Variants in INO80 observed in about 807,000 individuals in gnomAD.
The protein encoded by INO80 is chromatin-remodeling ATPase INO80.
Under a neutral mutation model 203.4 loss-of-function variants are expected in INO80, and 20 were observed. That is an observed-to-expected ratio of 0.10 (90% confidence interval 0.07 to 0.14). The LOEUF (loss-of-function observed/expected upper bound fraction) is 0.14, where lower values mean the gene tolerates loss of function less well. Among genes scored for constraint, INO80 ranks in the 10% least tolerant of loss-of-function variants. The pLI is 1.00. For missense variants in INO80, 1,419 were observed against 1,914.4 expected, an observed-to-expected ratio of 0.74 and a Z score of 4.83; for synonymous variants, 726 against 685.2, an observed-to-expected ratio of 1.06 and a Z score of -0.93.
intron 1 of INO80, among the ~76,000 whole-genome samples, chr15:41,115,537 G>T (rs1233752394): frequency 6.6e-6 from 1 of 152,182 alleles, no homozygotes; most frequent in African/African-American, 2.4e-5. Context: ...CAAGCCCTTA[G>T]ATCTCATTTG....
Position 41,059,734 on chromosome 15 carries a change from T to C in INO80, c.1842+133A>G, listed in dbSNP as rs1044065784. On this transcript the variant is annotated intron_variant, in intron 15 of 35. Coordinates refer to ENST00000648947, the MANE Select transcript of INO80 (RefSeq NM_017553.3). ...CAGGAAAAGTATTGTATCAGAAAAA[T>C]GGAAACTTGATCAGTGTCCAGAAAT... 6 of 558,550 alleles carry C rather than the reference T, an allele frequency of 1.1e-5. No homozygotes were observed. In the South Asian group the frequency reaches 1.9e-4, roughly 18 times the overall value. 34.6% of individuals were successfully genotyped at this position (558,550 alleles called of 1,614,324 possible). A position where few individuals can be genotyped will look rare whatever the true frequency, so the allele number is the denominator to read the frequency against.
rs771356698 is a variant in INO80, at chr15:41,003,329, C to CTTTTTTTTTTT, written c.3497+2263_3497+2264insAAAAAAAAAAA. Among the ~76,000 whole-genome samples the CTTTTTTTTTTT allele has an allele frequency of 1.6e-4, 17 of 107,602 alleles. 3 individuals carry two copies. Among genetic ancestry groups the CTTTTTTTTTTT allele is most frequent in the East Asian group, 6.2e-4 (2 of 3,246 alleles). The allele number at this position is 107,602 out of a possible 152,430, so 70.6% of individuals were successfully genotyped here. ...TGGGATTGTGGGTGATTTTTCTTTT[C>CTTTTTTTTTTT]TTTTCTTTTTTTTTTTTTTGAGATG... On this transcript the variant is annotated intron_variant, in intron 28 of 35. Coordinates refer to ENST00000648947, the MANE Select transcript of INO80 (RefSeq NM_017553.3).
chr15:40,979,341 G>A lies in INO80; in HGVS notation c.*882C>T, dbSNP rs535015798. 2.8e-3 allele frequency: 427 copies of A among 152,908 alleles called. 3 individuals are homozygous for A. The highest frequency in any genetic ancestry group is 0.014 in the South Asian group (66 of 4,826). The allele number at this position is 152,908 out of a possible 1,614,324, so 9.5% of individuals were successfully genotyped here. A position where few individuals can be genotyped will look rare whatever the true frequency, so the allele number is the denominator to read the frequency against. ...GGTGCCGAGCCTGCCCCCTCTCTCC[G>A]CCCTCTTCACCTCACTCCTGCTGTC... is the stretch of plus-strand genomic sequence containing the variant. On this transcript the variant is annotated 3_prime_UTR_variant, in exon 36 of 36. Transcript: ENST00000648947.
At chr15:40,983,405 C>T (rs1347444952) in intron 34 of INO80, among the ~76,000 whole-genome samples, 1 of 152,138 alleles carries the variant, frequency 6.6e-6, no homozygotes, top group Non-Finnish European at 1.5e-5. Context: ...CTCTAATGTG[C>T]TCTTGCCTTG....
chr15:41,021,459 T>C (rs552845550), intron 25 of INO80, among the ~76,000 whole-genome samples: 10 of 152,348 alleles, frequency 6.6e-5, no homozygotes, highest in African/African-American at 1.9e-4. Flanking sequence ...CTGCTAGATA[T>C]TGTTCTTGGC....
chr15:41,043,414 C>A (rs1201709992), intron 24 of INO80, among the ~76,000 whole-genome samples: 1 of 152,134 alleles, frequency 6.6e-6, no homozygotes, highest in African/African-American at 2.4e-5. Flanking sequence ...AATCACCCTG[C>A]CACCACTGAC....
At chr15:41,058,524 A>G in intron 16 of INO80, 115 bp downstream of exon 16, 1 of 954,108 alleles carries the variant, frequency 1.0e-6, no homozygotes, top group Non-Finnish European at 1.5e-6. Flanking sequence ...AACTTCTCAT[A>G]TCTTGATTTT....
chr15:41,006,464 T>C (rs769639165), intron 27 of INO80, among the ~76,000 whole-genome samples: 1 of 152,220 alleles, frequency 6.6e-6, no homozygotes, highest in Non-Finnish European at 1.5e-5. Context: ...CAGCATAAAA[T>C]AGTTGATTCG....
chr15:41,044,995 C>T lies in INO80; in HGVS notation c.2816G>A (p.Ser939Asn). 6.2e-7 allele frequency: 1 copy of T among 1,614,036 alleles called. No homozygotes were observed. The highest frequency in any genetic ancestry group is 8.5e-7 in the Non-Finnish European group (1 of 1,179,968). The change falls in exon 24 of 36, where the codon AGC (serine) becomes AAC (asparagine). Residue 939 changes from serine (S) to asparagine (N), a missense_variant. Ser to Asn is a conservative substitution (Grantham distance 46). Transcript: ENST00000648947. ...CTTGTTCCTCAGGTATCTCTGGTGG[C>T]TCTCCCCTTCTGGCGCTCCCCAGGA... ...LRSWGAPEGESHQRYLRNKDF... is the reference protein window; with the variant it reads ...LRSWGAPEGENHQRYLRNKDF...
intron 7 of INO80, among the ~76,000 whole-genome samples, chr15:41,084,882 A>G (rs2045537037): frequency 6.6e-6 from 1 of 151,876 alleles, no homozygotes; most frequent in Admixed American, 6.6e-5. Flanking sequence ...GGCTACAAAC[A>G]TGTGCCGCTA....
chr15:41,081,716 G>T (rs1054935957), intron 7 of INO80, among the ~76,000 whole-genome samples: 1 of 152,150 alleles, frequency 6.6e-6, no homozygotes, highest in Non-Finnish European at 1.5e-5. Context: ...ATTTGACATG[G>T]AAGAAGATGC....
At chr15:41,084,624 CA>C (rs1354427247) in intron 7 of INO80, among the ~76,000 whole-genome samples, 1 of 152,136 alleles carries the variant, frequency 6.6e-6, no homozygotes, top group African/African-American at 2.4e-5. Context: ...AATGCTTATA[CA>C]TGTTTAACTC....
intron 7 of INO80, among the ~76,000 whole-genome samples, chr15:41,084,490 C>T (rs1292457804): frequency 6.6e-6 from 1 of 152,020 alleles, no homozygotes; most frequent in Non-Finnish European, 1.5e-5. Context: ...ACCTGGGAAG[C>T]GGAGGTTGCA....
intron 19 of INO80, among the ~76,000 whole-genome samples, chr15:41,052,525 T>C (rs2044893443): frequency 6.6e-6 from 1 of 151,344 alleles, no homozygotes; most frequent in Non-Finnish European, 1.5e-5. Context: ...AATGAAAAAT[T>C]AGCCAGGTGT....
At chr15:41,096,139 A>T (rs1292820657) in intron 2 of INO80, 29 bp downstream of exon 2, 1 of 1,568,624 alleles carries the variant, frequency 6.4e-7, no homozygotes, top group Admixed American at 2.0e-5. Flanking sequence ...GAATTTGGTA[A>T]AACATATTGC....
intron 21 of INO80, 44 bp from the exon 22 acceptor site, chr15:41,048,320 T>C (rs746571577): frequency 3.5e-6 from 5 of 1,448,340 alleles, no homozygotes; most frequent in Non-Finnish European, 3.9e-6. Context: ...CAAACATAAA[T>C]AATGGAAAGT....
intron 24 of INO80, among the ~76,000 whole-genome samples, chr15:41,029,369 GA>G (rs2044425456): frequency 6.6e-6 from 1 of 152,208 alleles, no homozygotes; most frequent in African/African-American, 2.4e-5. Context: ...TGTCTAGTAC[GA>G]CATATGCACT....
chr15:41,109,553 T>C (rs1447565639), intron 1 of INO80, among the ~76,000 whole-genome samples: 1 of 151,548 alleles, frequency 6.6e-6, no homozygotes, highest in Non-Finnish European at 1.5e-5. Context: ...CTTTGGGAGG[T>C]TGGGAGGCTG....
intron 18 of INO80, among the ~76,000 whole-genome samples, chr15:41,054,229 T>C (rs2044942581): frequency 6.6e-6 from 1 of 152,218 alleles, no homozygotes; most frequent in Admixed American, 6.5e-5. Flanking sequence ...TATACTAGGC[T>C]CTATTTTCAT....
Sources: allele counts gnomAD v4.1 joint callset (sites outside exome capture counted in the v4.1 genomes callset), GRCh38; gene constraint gnomAD v4.1.1; transcripts MANE v1.5; gene names NCBI Gene and HGNC (gene_info 2026-07-23, HGNC 2026-07-21).